Variants in PTN observed in about 807,000 individuals in gnomAD.
PTN encodes the protein heparin affin regulatory protein.
PTN carries 18 observed loss-of-function variants against 24.1 expected under a neutral mutation model. The ratio of observed to expected loss-of-function variants is 0.75; its 90% CI spans 0.52 to 1.11. The LOEUF (loss-of-function observed/expected upper bound fraction) is 1.11. Ranked by LOEUF, PTN falls within the 50% of genes least tolerant of loss-of-function variation. PTN has a pLI of 0.00. For missense variants in PTN, 163 were observed against 198.8 expected (o/e 0.82, Z 1.08); for synonymous variants, 78 against 68.6 (o/e 1.14, Z -0.67).
chr7:137,340,347 A>C (rs1316488688), intron 1 of PTN, among the ~76,000 whole-genome samples: 1 of 152,236 alleles, frequency 6.6e-6, no homozygotes, highest in Admixed American at 6.5e-5. Flanking sequence ...AATAGAAAGA[A>C]AAAGAGGTTT....
intron 1 of PTN, among the ~76,000 whole-genome samples, chr7:137,301,188 A>G (rs77815955): frequency 0.011 from 1,749 of 152,136 alleles, 29 homozygotes; most frequent in African/African-American, 0.04. Flanking sequence ...AAAATAGGCA[A>G]TGTGGGGAAT....
rs1256759866 is a variant in PTN, at chr7:137,285,110, A to G, written c.-1-30136T>C. On this transcript the variant is annotated intron_variant, in intron 1 of 4. Transcript: ENST00000348225. Reference sequence around the variant, plus strand: ...AAAAAGCAAAGCTAATGAGCAAATCAGTACATTCCATTTTGGAGAAGCTCA... The same window carrying G: ...AAAAAGCAAAGCTAATGAGCAAATCGGTACATTCCATTTTGGAGAAGCTCA... Among the ~76,000 whole-genome samples the G allele has an allele frequency of 2.0e-5, 3 of 152,232 alleles. No homozygotes were observed. The East Asian group carries it at 5.8e-4, about 29-fold the overall frequency.
intron 1 of PTN, among the ~76,000 whole-genome samples, chr7:137,335,756 T>C (rs928709674): frequency 1.3e-5 from 2 of 152,176 alleles, no homozygotes; most frequent in African/African-American, 4.8e-5. Flanking sequence ...TATCCAGCTA[T>C]CATGTAAATG....
chr7:137,288,675 G>C (rs1338228007), intron 1 of PTN, among the ~76,000 whole-genome samples: 1 of 152,170 alleles, frequency 6.6e-6, no homozygotes, highest in Non-Finnish European at 1.5e-5. Context: ...CTAAGATCAA[G>C]TGTAGAGATG....
At chr7:137,299,866 T>C (rs955722924) in intron 1 of PTN, among the ~76,000 whole-genome samples, 9 of 151,906 alleles carry the variant, frequency 5.9e-5, no homozygotes, top group Admixed American at 2.6e-4. Flanking sequence ...AGCCCCCAGG[T>C]AAGAGGCATT....
chr7:137,316,438 C>A (rs1346665203), intron 1 of PTN, among the ~76,000 whole-genome samples: 2 of 152,070 alleles, frequency 1.3e-5, no homozygotes, highest in African/African-American at 4.8e-5. Context: ...TCTTTGGAGG[C>A]CTAACAAATG....
intron 1 of PTN, among the ~76,000 whole-genome samples, chr7:137,328,174 G>A (rs1005517038): frequency 6.6e-6 from 1 of 152,144 alleles, no homozygotes; most frequent in Non-Finnish European, 1.5e-5. Flanking sequence ...TTTTTACTGT[G>A]TGACTAGCCC....
intron 1 of PTN, among the ~76,000 whole-genome samples, chr7:137,304,446 C>G (rs1563218315): frequency 6.6e-6 from 1 of 151,756 alleles, no homozygotes; most frequent in East Asian, 1.9e-4. Flanking sequence ...CCCGCTCCCC[C>G]TCCCCATCAA....
chr7:137,305,487 T>C (rs1302481858), intron 1 of PTN, among the ~76,000 whole-genome samples: 1 of 152,102 alleles, frequency 6.6e-6, no homozygotes, highest in East Asian at 1.9e-4. Context: ...AAGATTGTTC[T>C]TGCAGAAAAT....
chr7:137,240,590 C>G (rs1416804284), intron 4 of PTN, among the ~76,000 whole-genome samples: 1 of 152,176 alleles, frequency 6.6e-6, no homozygotes, highest in African/African-American at 2.4e-5. Flanking sequence ...ACTACAGATG[C>G]AAAGAAATGG....
intron 1 of PTN, among the ~76,000 whole-genome samples, chr7:137,312,079 C>A (rs964146231): frequency 5.9e-5 from 9 of 152,160 alleles, no homozygotes; most frequent in African/African-American, 1.9e-4. Context: ...CAGGTGGCAA[C>A]TCCTAATCCC....
chr7:137,242,555 G>T (rs1808649227), intron 4 of PTN, among the ~76,000 whole-genome samples: 1 of 152,098 alleles, frequency 6.6e-6, no homozygotes, highest in Non-Finnish European at 1.5e-5. Context: ...TACTAAAAAG[G>T]GCTTCACAAC....
chr7:137,326,462 A>C (rs1810264126), intron 1 of PTN: 1 of 152,208 alleles, frequency 6.6e-6, no homozygotes, highest in African/African-American at 2.4e-5. Flanking sequence ...CATGTCCAGA[A>C]AGAATCTGTC....
intron 1 of PTN, among the ~76,000 whole-genome samples, chr7:137,291,588 A>T (rs1809639603): frequency 6.6e-6 from 1 of 151,900 alleles, no homozygotes; most frequent in African/African-American, 2.4e-5. Flanking sequence ...ATTGTCCTTG[A>T]CCACCAGTTT....
chr7:137,311,658 A>C (rs1293687176), intron 1 of PTN, among the ~76,000 whole-genome samples: 1 of 152,220 alleles, frequency 6.6e-6, no homozygotes, highest in Non-Finnish European at 1.5e-5. Flanking sequence ...AGGCTCAATA[A>C]GAGGAAGAGA....
intron 4 of PTN, among the ~76,000 whole-genome samples, chr7:137,235,507 G>A (rs920166912): frequency 1.3e-5 from 2 of 152,106 alleles, no homozygotes; most frequent in Non-Finnish European, 2.9e-5. Context: ...AAAATCAAAA[G>A]TATCATCTTT....
chr7:137,277,900 TGAGATGATA>T (rs72013455), intron 1 of PTN, among the ~76,000 whole-genome samples: 56,458 of 149,528 alleles, frequency 0.38, 10,958 homozygotes, highest in Non-Finnish European at 0.4. Context: ...GATAGATAGA[TGAGATGATA>T]GATAGATAGA....
chr7:137,228,721 A>T (rs773458374), intron 4 of PTN, among the ~76,000 whole-genome samples: 5 of 151,892 alleles, frequency 3.3e-5, no homozygotes, highest in Non-Finnish European at 7.4e-5. Flanking sequence ...GCTGTAGGAA[A>T]GTAAAACATT....
intron 1 of PTN, among the ~76,000 whole-genome samples, chr7:137,278,030 G>A (rs991502207): frequency 1.3e-4 from 20 of 152,104 alleles, no homozygotes; most frequent in African/African-American, 4.3e-4. Context: ...CTACTGGGCC[G>A]GGCGCGGTGG....
Sources: allele counts gnomAD v4.1 joint callset (sites outside exome capture counted in the v4.1 genomes callset), GRCh38; gene constraint gnomAD v4.1.1; transcripts MANE v1.5; gene names NCBI Gene and HGNC (gene_info 2026-07-23, HGNC 2026-07-21).